Variants in TESPA1 observed in about 807,000 individuals in gnomAD.
TESPA1 encodes protein TESPA1.
In TESPA1, 33 loss-of-function variants were observed where a neutral mutation model predicts 57.9. The ratio of observed to expected loss-of-function variants is 0.57; its 90% CI spans 0.43 to 0.76. TESPA1 has a LOEUF of 0.76. Among genes scored for constraint, TESPA1 ranks in the 30% least tolerant of loss-of-function variants. TESPA1 has a pLI of 0.00. For missense variants in TESPA1, 618 were observed against 632.9 expected, an observed-to-expected ratio of 0.98 and a Z score of 0.25; for synonymous variants, 227 against 228.9, an observed-to-expected ratio of 0.99 and a Z score of 0.07.
chr12:54,967,763 A>G, intron 4 of TESPA1, 80 bp downstream of exon 4: 1 of 1,517,882 alleles, frequency 6.6e-7, no homozygotes, highest in Non-Finnish European at 9.1e-7. Context: ...GTATATGTGC[A>G]TAAACACTCA....
At chr12:54,973,711 C>A in intron 2 of TESPA1, 192 bp from the exon 3 acceptor site, 1 of 1,348,270 alleles carries the variant, frequency 7.4e-7, no homozygotes, top group Non-Finnish European at 9.5e-7. Context: ...TTCTCTCTCT[C>A]TGCTTCTTTT....
Position 54,967,784 on chromosome 12 carries a change from C to T in TESPA1, c.256+59G>A, listed in dbSNP as rs550247580. 529 of 1,594,126 alleles carry T rather than the reference C, an allele frequency of 3.3e-4. No homozygotes were observed. The highest frequency in any genetic ancestry group is 3.8e-4 in the Non-Finnish European group (445 of 1,163,756). ...GTGCATAAACACTCACATACACACACGCACAGGTATATCACTCTCCAGGTA... is the reference window on the plus strand; with the variant it reads ...GTGCATAAACACTCACATACACACATGCACAGGTATATCACTCTCCAGGTA... On this transcript the variant is annotated intron_variant, in intron 4 of 10. Coordinates refer to ENST00000449076, the MANE Select transcript of TESPA1 (RefSeq NM_001136030.3).
chr12:54,971,333 T>C (rs937379489), intron 3 of TESPA1, among the ~76,000 whole-genome samples: 6 of 152,254 alleles, frequency 3.9e-5, no homozygotes, highest in Non-Finnish European at 7.3e-5. Context: ...TAATTTAGAA[T>C]CTCATGTTTA....
At position 54,974,570 on chromosome 12, in the gene TESPA1, G is replaced by T. The variant is rs996526016; in HGVS notation, c.-8C>A. 1 of 1,561,782 alleles carries T rather than the reference G, an allele frequency of 6.4e-7. No homozygotes were observed. The highest frequency in any genetic ancestry group is 8.7e-7 in the Non-Finnish European group (1 of 1,152,510). On this transcript the variant is annotated 5_prime_UTR_variant, in exon 2 of 11. Coordinates refer to ENST00000449076, the MANE Select transcript of TESPA1 (RefSeq NM_001136030.3). ...CAGCACAGAGGCCTCCATGGCCCTG[G>T]CTCAGACTTCAGGGCCTCCCGTAAC...
intron 10 of TESPA1, among the ~76,000 whole-genome samples, chr12:54,951,008 C>G (rs1197428489): frequency 1.3e-5 from 2 of 152,016 alleles, no homozygotes; most frequent in African/African-American, 2.4e-5. Flanking sequence ...GCTAGCTACA[C>G]CCTCCAAAAG....
At chr12:54,950,475 G>GCTGT (rs1950312418) in intron 10 of TESPA1, 85 bp from the exon 11 acceptor site, 1 of 372,510 alleles carries the variant, frequency 2.7e-6, no homozygotes, top group Non-Finnish European at 5.3e-6. Context: ...TCATACCTCA[G>GCTGT]CTGTGGAAAT....
Position 54,949,241 on chromosome 12 carries a change from TCA to T in TESPA1, c.*1149_*1150del, listed in dbSNP as rs1277536775. 3 of 152,226 alleles carry T rather than the reference TCA, an allele frequency of 2.0e-5. No individual in the cohort carries two copies. The highest frequency in any genetic ancestry group is 4.4e-5 in the Non-Finnish European group (3 of 68,036). 9.4% of individuals were successfully genotyped at this position (152,226 alleles called of 1,614,324 possible). On this transcript the variant is annotated 3_prime_UTR_variant, in exon 11 of 11. Coordinates refer to ENST00000449076, the MANE Select transcript of TESPA1 (RefSeq NM_001136030.3). The stretch of plus-strand genomic sequence containing the variant: ...GTCTCTGCCTCACTACGTATCAGAC[TCA>T]GTTTGTGCCTTCTCCCCTAATGCTG...
chr12:54,949,025 A>T lies in TESPA1; in HGVS notation c.*1367T>A, dbSNP rs1187179463. ...AGAACCACCTCTTTGAAATGTTAACATCAAGGAAGATAGTTCCCCTGTCTC... is the reference window on the plus strand; with the variant it reads ...AGAACCACCTCTTTGAAATGTTAACTTCAAGGAAGATAGTTCCCCTGTCTC... On this transcript the variant is annotated 3_prime_UTR_variant, in exon 11 of 11. Transcript: ENST00000449076. The T allele has an allele frequency of 6.6e-6, 1 of 152,182 alleles. No individual in the cohort carries two copies. Among genetic ancestry groups the T allele is most frequent in the Non-Finnish European group, 1.5e-5 (1 of 68,028 alleles). 9.4% of individuals were successfully genotyped at this position (152,182 alleles called of 1,614,324 possible).
At chr12:54,983,666 T>G (rs1284470055) in intron 1 of TESPA1, among the ~76,000 whole-genome samples, 1 of 152,174 alleles carries the variant, frequency 6.6e-6, no homozygotes. Flanking sequence ...TGTGGAACTC[T>G]CCTTTCTTGT....
intron 1 of TESPA1, among the ~76,000 whole-genome samples, chr12:54,983,641 T>C (rs1782764638): frequency 6.6e-6 from 1 of 152,162 alleles, no homozygotes; most frequent in Non-Finnish European, 1.5e-5. Context: ...GCTCACAGTC[T>C]TGTCAAATCA....
intron 1 of TESPA1, among the ~76,000 whole-genome samples, chr12:54,983,357 T>C (rs1565879965): frequency 6.6e-6 from 1 of 152,158 alleles, no homozygotes; most frequent in Non-Finnish European, 1.5e-5. Context: ...TTATTTCTGA[T>C]AATAGTCCAA....
rs1468024530 is a variant in TESPA1 at position 54,948,850 on chromosome 12, T to C, written c.*1542A>G. 6.6e-6 allele frequency: 1 copy of C among 152,250 alleles called. No homozygotes were observed. The highest frequency in any genetic ancestry group is 2.4e-5 in the African/African-American group (1 of 41,458). The allele number at this position is 152,250 out of a possible 1,614,324, so 9.4% of individuals were successfully genotyped here. On this transcript the variant is annotated 3_prime_UTR_variant, in exon 11 of 11. Coordinates refer to ENST00000449076, the MANE Select transcript of TESPA1 (RefSeq NM_001136030.3). ...TAACTTTCCCCTCAGCTTGACCAAA[T>C]AGGTTTCTTCCTGACTTCAGGCCCT...
At chr12:54,982,575 T>C (rs1379097863) in intron 1 of TESPA1, among the ~76,000 whole-genome samples, 1 of 152,164 alleles carries the variant, frequency 6.6e-6, no homozygotes, top group Non-Finnish European at 1.5e-5. Context: ...AAGTTGTGGA[T>C]TTGGAAAAAA....
At chr12:54,983,057 C>A (rs992301494) in intron 1 of TESPA1, among the ~76,000 whole-genome samples, 1 of 152,170 alleles carries the variant, frequency 6.6e-6, no homozygotes, top group African/African-American at 2.4e-5. Flanking sequence ...AACGTGTGAT[C>A]TTTTCCCCTT....
Position 54,963,897 on chromosome 12 carries a change from C to G in TESPA1, c.500G>C (p.Ser167Thr). ...GTGATCCTCTTGGCCAAAGCCCAGACTGAAGAGGACATCTTCTGCATCTTC... is the reference window on the plus strand; with the variant it reads ...GTGATCCTCTTGGCCAAAGCCCAGAGTGAAGAGGACATCTTCTGCATCTTC... ...VQEDAEDVLF[S>T]LGFGQEDHKD... The change falls in exon 8 of 11, where the codon AGT (serine) becomes ACT (threonine). Residue 167 changes from serine (S) to threonine (T), a missense_variant. Physicochemically the swap from Ser to Thr is moderately conservative, Grantham distance 58. Around this residue, in one of 3 missense-constraint regions of TESPA1, gnomAD observed 10 missense variants for 28.8 expected, o/e 0.35. Transcript: ENST00000449076. 6.2e-7 allele frequency: 1 copy of G among 1,614,036 alleles called. No homozygotes were observed. The highest frequency in any genetic ancestry group is 8.5e-7 in the Non-Finnish European group (1 of 1,179,884).
intron 7 of TESPA1, among the ~76,000 whole-genome samples, chr12:54,965,827 G>C (rs1951391881): frequency 6.6e-6 from 1 of 152,182 alleles, no homozygotes; most frequent in South Asian, 2.1e-4. Context: ...AAGTTTCAGT[G>C]GGAGGAGACA....
intron 10 of TESPA1, among the ~76,000 whole-genome samples, chr12:54,950,879 G>T (rs1164494805): frequency 6.6e-6 from 1 of 152,122 alleles, no homozygotes; most frequent in Non-Finnish European, 1.5e-5. Flanking sequence ...GAAAGAAATA[G>T]GCAGAATTTT....
At chr12:54,965,063 A>C (rs774853889) in intron 7 of TESPA1, among the ~76,000 whole-genome samples, 2 of 152,212 alleles carry the variant, frequency 1.3e-5, no homozygotes, top group African/African-American at 2.4e-5. Flanking sequence ...TCATTATATC[A>C]TACTAGTTTT....
chr12:54,953,333 C>T (rs1945221576), intron 10 of TESPA1, among the ~76,000 whole-genome samples: 1 of 152,116 alleles, frequency 6.6e-6, no homozygotes, highest in Non-Finnish European at 1.5e-5. Context: ...CTTTCTCCCA[C>T]TAGGCATAAG....
Sources: gnomAD v4.1 joint callset for allele counts (sites outside exome capture counted in the v4.1 genomes callset) on GRCh38, gnomAD v4.1.1 for gene constraint, gnomAD v4.1.1 regional missense constraint, MANE v1.5 for transcripts, NCBI Gene and HGNC (gene_info 2026-07-23, HGNC 2026-07-21) for gene names.